SMOC2: variants seen among roughly 807,000 people sequenced by gnomAD.
The protein encoded by SMOC2 is SPARC related modular calcium binding 2.
Under a neutral mutation model 61.4 loss-of-function variants are expected in SMOC2, and 39 were observed. That is an observed-to-expected ratio of 0.64 (90% CI 0.49 to 0.83). The LOEUF is 0.83. Among genes scored for constraint, SMOC2 ranks in the 40% least tolerant of loss-of-function variants. The probability of loss-of-function intolerance (pLI) is 0.00; values close to 1 mark genes in which losing one functional copy is unlikely to be tolerated. For missense variants in SMOC2, 556 were observed against 592.9 expected (o/e 0.94, Z 0.65); for synonymous variants, 247 against 239.9 (o/e 1.03, Z -0.27).
chr6:168,565,178 T>A (rs1183865218), intron 7 of SMOC2, among the ~76,000 whole-genome samples: 5 of 152,238 alleles, frequency 3.3e-5, no homozygotes, highest in African/African-American at 1.2e-4. Flanking sequence ...GTTAAGGAAA[T>A]TTCCTTGGGC....
intron 11 of SMOC2, among the ~76,000 whole-genome samples, chr6:168,660,743 C>T (rs188497459): frequency 2.0e-5 from 3 of 152,346 alleles, no homozygotes; most frequent in Non-Finnish European, 4.4e-5. Context: ...GCCTCTCAGC[C>T]TCCCACCTTC....
chr6:168,607,185 G>C (rs1785719060), intron 8 of SMOC2, among the ~76,000 whole-genome samples: 1 of 151,994 alleles, frequency 6.6e-6, no homozygotes, highest in Non-Finnish European at 1.5e-5. Context: ...GTCCTCCTTG[G>C]GGGTGGGGGC....
In SMOC2 at chr6:168,453,316, T is replaced by G. The variant is rs545833200; in HGVS notation, c.84+11862T>G. Among the ~76,000 whole-genome samples, 1 of 152,272 alleles carries G rather than the reference T, an allele frequency of 6.6e-6. No homozygotes were observed. The highest frequency in any genetic ancestry group is 2.1e-4 in the South Asian group (1 of 4,820). The stretch of plus-strand genomic sequence containing the variant: ...CTCCGTCACCCTGCGGCCCTGTCAT[T>G]TCGGGCTGTGCCTTTGTCTCCGGGT... On this transcript the variant is annotated intron_variant, in intron 1 of 12. Coordinates refer to ENST00000356284, the MANE Select transcript of SMOC2 (RefSeq NM_001166412.2). This position sits in a 1 kb window ranked among gnomAD's most constrained non-coding sequence, Gnocchi z 4.4.
intron 1 of SMOC2, among the ~76,000 whole-genome samples, chr6:168,491,089 T>C (rs903863976): frequency 6.6e-6 from 1 of 152,186 alleles, no homozygotes; most frequent in African/African-American, 2.4e-5. Context: ...TGTAGGACTC[T>C]GGAGAGGTCA....
At chr6:168,510,645 G>A (rs915010885) in intron 2 of SMOC2, among the ~76,000 whole-genome samples, 1 of 152,084 alleles carries the variant, frequency 6.6e-6, no homozygotes, top group Non-Finnish European at 1.5e-5. Flanking sequence ...TAGGAAAAAA[G>A]ACCACAAAGA....
intron 1 of SMOC2, among the ~76,000 whole-genome samples, chr6:168,464,462 A>G (rs1205594581): frequency 6.6e-6 from 1 of 152,096 alleles, no homozygotes; most frequent in East Asian, 1.9e-4. Context: ...TATTATTTCC[A>G]CTGTGAAAGG....
At chr6:168,464,231 AAAG>A (rs1234426280) in intron 1 of SMOC2, among the ~76,000 whole-genome samples, 2 of 151,340 alleles carry the variant, frequency 1.3e-5, no homozygotes, top group African/African-American at 2.4e-5. Flanking sequence ...GGAAGGAAGA[AAAG>A]GAAGGAAGGA....
At chr6:168,604,804 A>G (rs113497843) in intron 8 of SMOC2, among the ~76,000 whole-genome samples, 1,922 of 152,334 alleles carry the variant, frequency 0.013, 41 homozygotes, top group African/African-American at 0.041. Context: ...AAGGACCACA[A>G]GTACATGCCA....
At chr6:168,556,471 A>C (rs921103354) in intron 7 of SMOC2, among the ~76,000 whole-genome samples, 7 of 152,050 alleles carry the variant, frequency 4.6e-5, no homozygotes, top group Non-Finnish European at 1.5e-5. Context: ...GGCCCTGGGC[A>C]CTGATGCCTC....
intron 9 of SMOC2, among the ~76,000 whole-genome samples, chr6:168,637,903 T>C (rs562737479): frequency 6.6e-6 from 1 of 151,486 alleles, no homozygotes; most frequent in Admixed American, 6.6e-5. Context: ...TCCCAGGGCG[T>C]GCTGTATGCT....
At chr6:168,579,747 C>T (rs1276616698) in intron 7 of SMOC2, among the ~76,000 whole-genome samples, 1 of 151,928 alleles carries the variant, frequency 6.6e-6, no homozygotes, top group Non-Finnish European at 1.5e-5. Context: ...TGGGGGTGGC[C>T]TTTGCAGCCC....
intron 7 of SMOC2, among the ~76,000 whole-genome samples, chr6:168,592,648 T>A (rs1368069362): frequency 3.6e-5 from 5 of 138,228 alleles, no homozygotes; most frequent in African/African-American, 1.4e-4. Flanking sequence ...TTCTAGAGGA[T>A]CGCTGAGCTC....
rs546259302 is a variant in SMOC2 at position 168,477,208 on chromosome 6, A to G, written c.85-32707A>G. On this transcript the variant is annotated intron_variant, in intron 1 of 12. Coordinates refer to ENST00000356284, the MANE Select transcript of SMOC2 (RefSeq NM_001166412.2). The stretch of plus-strand genomic sequence containing the variant: ...TCCTGTGGACACTCCAGCCCATGCT[A>G]AAGACAAAATTGAGAATTGCTCAGA... 3.3e-5 allele frequency among the ~76,000 whole-genome samples: 5 copies of G among 152,328 alleles called. No homozygotes were observed. In the East Asian group the frequency reaches 9.6e-4, roughly 29 times the overall value.
intron 1 of SMOC2, among the ~76,000 whole-genome samples, chr6:168,467,432 G>A (rs1460331947): frequency 2.6e-5 from 4 of 151,948 alleles, no homozygotes; most frequent in East Asian, 3.9e-4. Context: ...TCAGCTTCCC[G>A]AATAGCTGGG....
intron 7 of SMOC2, among the ~76,000 whole-genome samples, chr6:168,582,475 G>C (rs1784941202): frequency 6.6e-6 from 1 of 152,184 alleles, no homozygotes; most frequent in Non-Finnish European, 1.5e-5. Flanking sequence ...GGGCAGGAGA[G>C]GATTAAAGGT....
intron 1 of SMOC2, among the ~76,000 whole-genome samples, chr6:168,443,761 T>C (rs1360017644): frequency 6.6e-6 from 1 of 152,214 alleles, no homozygotes; most frequent in Non-Finnish European, 1.5e-5. Context: ...CTTCTCTCCC[T>C]ACGATTTGCA....
At chr6:168,539,535 T>G (rs1467654663) in intron 4 of SMOC2, among the ~76,000 whole-genome samples, 1 of 152,228 alleles carries the variant, frequency 6.6e-6, no homozygotes, top group Non-Finnish European at 1.5e-5. Flanking sequence ...GGCCACACTG[T>G]GCATGGTGTC....
intron 7 of SMOC2, among the ~76,000 whole-genome samples, chr6:168,552,158 T>C (rs1021860210): frequency 1.8e-4 from 27 of 152,226 alleles, no homozygotes; most frequent in African/African-American, 5.1e-4. Flanking sequence ...AAACACCTAG[T>C]TGGTATTTTA....
intron 1 of SMOC2, among the ~76,000 whole-genome samples, chr6:168,469,354 C>T (rs974806420): frequency 1.3e-4 from 20 of 152,078 alleles, no homozygotes; most frequent in East Asian, 3.9e-4. Context: ...TGCTTTCGCC[C>T]GAGGAAAGTT....
Sources: gnomAD v4.1 joint callset for allele counts (sites outside exome capture counted in the v4.1 genomes callset) on GRCh38, gnomAD v4.1.1 for gene constraint, Gnocchi (gnomAD v3.1) non-coding constraint, MANE v1.5 for transcripts, NCBI Gene and HGNC (gene_info 2026-07-23, HGNC 2026-07-21) for gene names.